The following ST8SIA4 variants were observed in gnomAD, a reference collection of about 807,000 sequenced individuals.
The protein encoded by ST8SIA4 is CMP-N-acetylneuraminate-poly-alpha-2,8-sialyltransferase.
A neutral mutation model predicts 33.9 loss-of-function variants in ST8SIA4; 15 were observed. The ratio of observed to expected loss-of-function variants is 0.44; its 90% confidence interval spans 0.30 to 0.68. The LOEUF (loss-of-function observed/expected upper bound fraction) is 0.68, where lower values mean the gene tolerates loss of function less well. Among genes scored for constraint, ST8SIA4 ranks in the 30% least tolerant of loss-of-function variants. The pLI, the probability that ST8SIA4 is intolerant of heterozygous loss-of-function variation, is 0.10. For missense variants in ST8SIA4, 321 were observed against 428.0 expected, an observed-to-expected ratio of 0.75 and a Z score of 2.21; for synonymous variants, 171 against 151.2, an observed-to-expected ratio of 1.13 and a Z score of -0.96.
At chr5:100,818,912 AC>A (rs547670408) in intron 4 of ST8SIA4, among the ~76,000 whole-genome samples, 74 of 152,052 alleles carry the variant, frequency 4.9e-4, no homozygotes, top group Admixed American at 9.8e-4. Flanking sequence ...TCTGAATTTC[AC>A]CCCTCTTCTT....
intron 4 of ST8SIA4, among the ~76,000 whole-genome samples, chr5:100,815,074 C>T (rs1344766761): frequency 1.3e-5 from 2 of 151,856 alleles, no homozygotes; most frequent in Non-Finnish European, 2.9e-5. Context: ...CAGCTTTTAT[C>T]CCAACTGTAC....
At chr5:100,900,345 C>A in intron 1 of ST8SIA4, 2 of 449,500 alleles carry the variant, frequency 4.4e-6, no homozygotes, top group South Asian at 3.1e-5. Context: ...GGATCTGGAG[C>A]CGAACCTCCA....
chr5:100,865,832 C>T (rs1406537303), intron 3 of ST8SIA4, among the ~76,000 whole-genome samples: 1 of 152,000 alleles, frequency 6.6e-6, no homozygotes, highest in Non-Finnish European at 1.5e-5. Context: ...TGCCACTGTC[C>T]AATTTTAGTT....
Position 100,890,811 on chromosome 5 carries a change from A to G in ST8SIA4, c.246-4211T>C, listed in dbSNP as rs139456462. 250 of 152,100 alleles carry G rather than the reference A, an allele frequency of 1.6e-3. 2 individuals carry two copies. The highest frequency in any genetic ancestry group is 5.6e-3 in the African/African-American group (233 of 41,558). 9.4% of individuals were successfully genotyped at this position (152,100 alleles called of 1,614,324 possible). A position where few individuals can be genotyped will look rare whatever the true frequency, so the allele number is the denominator to read the frequency against. ...GAATCTGAAAATCTGTTTCATTTTC[A>G]GTGAAACTAAATATCTTAGTCATAA... On this transcript the variant is annotated intron_variant, in intron 2 of 4. Transcript: ENST00000231461.
At chr5:100,841,983 A>T (rs1021269243) in intron 4 of ST8SIA4, among the ~76,000 whole-genome samples, 1 of 151,836 alleles carries the variant, frequency 6.6e-6, no homozygotes, top group African/African-American at 2.4e-5. Flanking sequence ...TTGGAGCTTC[A>T]GACCTAGCGC....
chr5:100,815,565 A>G (rs981586059), intron 4 of ST8SIA4, among the ~76,000 whole-genome samples: 1 of 151,820 alleles, frequency 6.6e-6, no homozygotes, highest in Non-Finnish European at 1.5e-5. Context: ...AATAAATTTG[A>G]TAGCCTCTGT....
chr5:100,872,920 T>C (rs1411616342), intron 3 of ST8SIA4, among the ~76,000 whole-genome samples: 1 of 149,666 alleles, frequency 6.7e-6, no homozygotes, highest in Non-Finnish European at 1.5e-5. Flanking sequence ...AGCTCCAGCG[T>C]GCCTAGGGCA....
rs536941708 is a variant in ST8SIA4, at chr5:100,813,364, G to C, written c.798-1235C>G. Among the ~76,000 whole-genome samples the C allele has an allele frequency of 5.3e-5, 8 of 152,068 alleles. No individual in the cohort carries two copies. The South Asian group carries it at 1.7e-3, about 31-fold the overall frequency. ...TTCATTTTCTCCCTTCTCTGAATCA[G>C]GATTGGCCTCACACATATTCTATTT... is the stretch of plus-strand genomic sequence containing the variant. On this transcript the variant is annotated intron_variant, in intron 4 of 4. Coordinates refer to ENST00000231461, the MANE Select transcript of ST8SIA4 (RefSeq NM_005668.6).
intron 3 of ST8SIA4, among the ~76,000 whole-genome samples, chr5:100,858,825 G>A (rs1751872801): frequency 6.6e-6 from 1 of 152,082 alleles, no homozygotes; most frequent in African/African-American, 2.4e-5. Context: ...GAGTCTTGAG[G>A]ATCTGAGCAG....
intron 2 of ST8SIA4, among the ~76,000 whole-genome samples, chr5:100,894,817 C>G (rs1293926478): frequency 6.6e-6 from 1 of 152,020 alleles, no homozygotes; most frequent in African/African-American, 2.4e-5. Flanking sequence ...TAAGCTACAC[C>G]TATAAAATCT....
chr5:100,872,535 T>TAA (rs1258126972), intron 3 of ST8SIA4, among the ~76,000 whole-genome samples: 6 of 152,038 alleles, frequency 3.9e-5, no homozygotes, highest in Non-Finnish European at 8.8e-5. Context: ...CAGATAGAGA[T>TAA]AATTGATTCA....
At chr5:100,869,139 C>G (rs1752142220) in intron 3 of ST8SIA4, among the ~76,000 whole-genome samples, 1 of 152,024 alleles carries the variant, frequency 6.6e-6, no homozygotes, top group South Asian at 2.1e-4. Flanking sequence ...TCTGAACTTT[C>G]TGATAAAGCA....
At chr5:100,843,125 C>T (rs1751503001) in intron 4 of ST8SIA4, among the ~76,000 whole-genome samples, 1 of 151,778 alleles carries the variant, frequency 6.6e-6, no homozygotes, top group African/African-American at 2.4e-5. Context: ...TTCCTAATTA[C>T]TTTATTATAT....
At chr5:100,848,496 A>G (rs1272241433) in intron 4 of ST8SIA4, among the ~76,000 whole-genome samples, 1 of 150,202 alleles carries the variant, frequency 6.7e-6, no homozygotes, top group Non-Finnish European at 1.5e-5. Flanking sequence ...CACAGAGTAT[A>G]TATACTCTGT....
At chr5:100,816,965 C>T (rs1341070996) in intron 4 of ST8SIA4, among the ~76,000 whole-genome samples, 4 of 148,670 alleles carry the variant, frequency 2.7e-5, no homozygotes, top group Admixed American at 6.7e-5. Flanking sequence ...GACAGAGTCT[C>T]ACTCTGTCGC....
intron 4 of ST8SIA4, among the ~76,000 whole-genome samples, chr5:100,845,045 T>C (rs1456716131): frequency 6.6e-6 from 1 of 152,056 alleles, no homozygotes; most frequent in Admixed American, 6.6e-5. Context: ...CTAACTTACT[T>C]CTTGTATGTT....
chr5:100,887,545 G>T (rs1003504732), intron 2 of ST8SIA4, among the ~76,000 whole-genome samples: 4 of 151,874 alleles, frequency 2.6e-5, no homozygotes, highest in African/African-American at 4.8e-5. Context: ...TATATAAATT[G>T]ATAACAGATT....
At chr5:100,858,431 A>T (rs1417664389) in intron 3 of ST8SIA4, among the ~76,000 whole-genome samples, 1 of 152,028 alleles carries the variant, frequency 6.6e-6, no homozygotes, top group Non-Finnish European at 1.5e-5. Context: ...ACTAGTAAAA[A>T]CCAACCCAAT....
At chr5:100,833,083 C>T (rs936749748) in intron 4 of ST8SIA4, among the ~76,000 whole-genome samples, 17 of 152,194 alleles carry the variant, frequency 1.1e-4, no homozygotes, top group South Asian at 6.2e-4. Flanking sequence ...TTATATCACA[C>T]GTAGGTGTCT....
Sources: allele counts gnomAD v4.1 joint callset (sites outside exome capture counted in the v4.1 genomes callset), GRCh38; gene constraint gnomAD v4.1.1; transcripts MANE v1.5; gene names NCBI Gene and HGNC (gene_info 2026-07-23, HGNC 2026-07-21).